CCDC146: variants seen among roughly 807,000 people sequenced by gnomAD.
CCDC146 encodes the protein coiled-coil domain-containing protein 146.
In CCDC146, 92 loss-of-function variants were observed where a neutral mutation model predicts 119.3. The observed-to-expected ratio is 0.77, with a 90% confidence interval of 0.65 to 0.92. CCDC146 has a LOEUF of 0.92. Among genes scored for constraint, CCDC146 ranks in the 40% least tolerant of loss-of-function variants. CCDC146 has a pLI of 0.00. For synonymous variants in CCDC146, 372 were observed against 371.8 expected (o/e 1.00, Z -0.01); for missense variants, 1,000 against 1,103.0 (o/e 0.91, Z 1.32).
In CCDC146 at chr7:77,287,445, A is replaced by G; in HGVS notation, c.2283A>G (p.Glu761=). 1 of 1,614,030 alleles carries G rather than the reference A, an allele frequency of 6.2e-7. No homozygotes were observed. Among genetic ancestry groups the G allele is most frequent in the Admixed American group, 1.7e-5 (1 of 60,000 alleles). The change falls in exon 17 of 19, where the codon GAA becomes GAG. Residue 761 remains glutamate, a synonymous_variant. Transcript: ENST00000285871. ...GAACCAATTTTCAAACATAGCTGGA[A>G]CTACAACTGGCCAAGAAGGAGGAGA... ...KEMIQKLDKL[E]LQLAKKEEKL... is the part of the protein sequence containing the mutation.
Position 77,273,747 on chromosome 7 carries a change from T to A in CCDC146, c.1227T>A (p.Leu409=). ...DSTLSERRRE[L]HKEVEVAKRN... is the part of the protein sequence containing the mutation. The stretch of plus-strand genomic sequence containing the variant: ...CATTATCTGAGAGAAGGCGAGAGCT[T>A]CACAAGGAAGTTGAAGTAGCTAAGA... The change falls in exon 10 of 19, where the codon CTT becomes CTA. Residue 409 remains leucine, a synonymous_variant. Transcript: ENST00000285871. The A allele has an allele frequency of 1.2e-6, 2 of 1,610,742 alleles. No individual in the cohort carries two copies. The highest frequency in any genetic ancestry group is 1.7e-6 in the Non-Finnish European group (2 of 1,177,860).
chr7:77,169,611 C>T (rs1308168424), intron 2 of CCDC146, among the ~76,000 whole-genome samples: 1 of 152,148 alleles, frequency 6.6e-6, no homozygotes, highest in Non-Finnish European at 1.5e-5. Context: ...ATCTTTTTAT[C>T]AGTGTGGACT....
Position 77,254,572 on chromosome 7 carries a change from T to G in CCDC146, c.507+9T>G. Reference sequence around the variant, plus strand: ...AGATAACAAAGCCAGGAGTAAGTCTTAGATGATATAGAGTTTCTTAAATAC... The same window carrying G: ...AGATAACAAAGCCAGGAGTAAGTCTGAGATGATATAGAGTTTCTTAAATAC... On this transcript the variant is annotated intron_variant, in intron 5 of 18. Coordinates refer to ENST00000285871, the MANE Select transcript of CCDC146 (RefSeq NM_020879.3). 3 of 1,423,556 alleles carry G rather than the reference T, an allele frequency of 2.1e-6. No individual in the cohort carries two copies. The highest frequency in any genetic ancestry group is 2.9e-6 in the Non-Finnish European group (3 of 1,019,650). The allele number at this position is 1,423,556 out of a possible 1,614,324, so 88.2% of individuals were successfully genotyped here.
At chr7:77,129,048 T>C (rs1790747431) in intron 1 of CCDC146, among the ~76,000 whole-genome samples, 1 of 152,100 alleles carries the variant, frequency 6.6e-6, no homozygotes, top group African/African-American at 2.4e-5. Context: ...TGGAGTACAG[T>C]AGGCCCCTCT....
chr7:77,191,900 A>T (rs1444258056), intron 2 of CCDC146, among the ~76,000 whole-genome samples: 1 of 151,706 alleles, frequency 6.6e-6, no homozygotes, highest in Non-Finnish European at 1.5e-5. Flanking sequence ...ACAGAGCAAG[A>T]CTCCATCTCA....
At chr7:77,236,068 C>A (rs930265933) in intron 2 of CCDC146, among the ~76,000 whole-genome samples, 11 of 147,514 alleles carry the variant, frequency 7.5e-5, no homozygotes, top group Non-Finnish European at 1.0e-4. Flanking sequence ...GAGACTCCGT[C>A]ATAAATAAAT....
chr7:77,207,974 G>A (rs142913460), intron 2 of CCDC146, among the ~76,000 whole-genome samples: 139 of 152,298 alleles, frequency 9.1e-4, no homozygotes, highest in South Asian at 4.3e-3. Context: ...GGACTAGGCT[G>A]TATACTAGCC....
intron 2 of CCDC146, among the ~76,000 whole-genome samples, chr7:77,216,570 CCAGAAGGAAG>C (rs1792305219): frequency 1.3e-5 from 2 of 152,076 alleles, no homozygotes; most frequent in South Asian, 4.1e-4. Flanking sequence ...TTCCATCTCA[CCAGAAGGAAG>C]AATTATGCAA....
At chr7:77,271,667 C>T (rs534683308) in intron 9 of CCDC146, among the ~76,000 whole-genome samples, 2 of 150,560 alleles carry the variant, frequency 1.3e-5, no homozygotes, top group East Asian at 3.9e-4. Flanking sequence ...AATGGCTTAT[C>T]ATGTCACCTC....
At chr7:77,286,214 G>A (rs1249023997) in intron 15 of CCDC146, among the ~76,000 whole-genome samples, 1 of 152,214 alleles carries the variant, frequency 6.6e-6, no homozygotes, top group Non-Finnish European at 1.5e-5. Context: ...CAGGCACATT[G>A]CATGGCGAGA....
Position 77,293,196 on chromosome 7 carries a change from C to T in CCDC146, c.2660C>T (p.Ser887Phe). ...CACGCCTTGGCCATCGCTGAAAAGT[C>T]TCAGGTAGGCTTTGGCTCCTGTATT... ...EMHALAIAEK[S>F]QEFLEADNRQ... is the part of the protein sequence containing the mutation. The change falls in exon 18 of 19, where the codon TCT becomes TTT. Residue 887 changes from serine to phenylalanine, a missense_variant. Physicochemically the swap from Ser to Phe is radical, Grantham distance 155. Transcript: ENST00000285871. 1 of 1,613,638 alleles carries T rather than the reference C, an allele frequency of 6.2e-7. No homozygotes were observed. Among genetic ancestry groups the T allele is most frequent in the East Asian group, 2.2e-5 (1 of 44,876 alleles).
Position 77,256,422 on chromosome 7 carries a change from A to G in CCDC146, c.597A>G (p.Leu199=). 6.2e-7 allele frequency: 1 copy of G among 1,608,062 alleles called. No homozygotes were observed. The highest frequency in any genetic ancestry group is 8.5e-7 in the Non-Finnish European group (1 of 1,177,530). ...AGAAGAAATTAGAAATTAAAAATTT[A>G]CGAGAAGATTTGGCATCTAAACAAA... is the stretch of plus-strand genomic sequence containing the variant. The part of the protein sequence containing the change: ...IMQKKLEIKN[L]REDLASKQKQ... The change falls in exon 6 of 19, where the codon TTA becomes TTG. Residue 199 remains leucine (L), a synonymous_variant. Coordinates refer to ENST00000285871, the MANE Select transcript of CCDC146 (RefSeq NM_020879.3).
At chr7:77,274,820 T>C (rs529125246) in intron 11 of CCDC146, among the ~76,000 whole-genome samples, 168 bp downstream of exon 11, 6 of 152,178 alleles carry the variant, frequency 3.9e-5, no homozygotes, top group East Asian at 1.9e-4. Context: ...TAGATGGGAA[T>C]TGAACAATGA....
intron 4 of CCDC146, among the ~76,000 whole-genome samples, chr7:77,251,490 CT>C: frequency 6.6e-6 from 1 of 152,168 alleles, no homozygotes; most frequent in East Asian, 1.9e-4. Flanking sequence ...TGCTCTGTCT[CT>C]TCAGATTGTG....
At chr7:77,277,355 A>C (rs750794038) in intron 11 of CCDC146, among the ~76,000 whole-genome samples, 2 of 152,252 alleles carry the variant, frequency 1.3e-5, no homozygotes, top group African/African-American at 2.4e-5. Context: ...ATGTATATCT[A>C]TGTGTGACTA....
In CCDC146 at chr7:77,216,826, G is replaced by A. The variant is rs568630267; in HGVS notation, c.157-20121G>A. Among the ~76,000 whole-genome samples, 62 of 152,250 alleles carry A rather than the reference G, an allele frequency of 4.1e-4. No homozygotes were observed. In the South Asian group the frequency reaches 0.012, roughly 31 times the overall value. ...AAAGCTCATAAAGTACAGTGCCAAA[G>A]GGATCATTAACTCCAAGGATAACAT... is the stretch of plus-strand genomic sequence containing the variant. On this transcript the variant is annotated intron_variant, in intron 2 of 18. Coordinates refer to ENST00000285871, the MANE Select transcript of CCDC146 (RefSeq NM_020879.3).
intron 11 of CCDC146, among the ~76,000 whole-genome samples, chr7:77,275,631 G>A (rs559822922): frequency 6.6e-6 from 1 of 152,094 alleles, no homozygotes; most frequent in Non-Finnish European, 1.5e-5. Flanking sequence ...GGTAGCATTA[G>A]GTAACTGTCC....
At chr7:77,172,558 A>T (rs1280039885) in intron 2 of CCDC146, among the ~76,000 whole-genome samples, 2 of 152,188 alleles carry the variant, frequency 1.3e-5, no homozygotes, top group East Asian at 3.8e-4. Context: ...CTCTCGTCTC[A>T]TATTGCCTGA....
intron 1 of CCDC146, among the ~76,000 whole-genome samples, chr7:77,131,690 C>A (rs1280868689): frequency 2.0e-5 from 3 of 152,228 alleles, no homozygotes; most frequent in African/African-American, 7.2e-5. Flanking sequence ...TGCACTTAAG[C>A]CTGGGCAACA....
Sources: gnomAD v4.1 joint callset for allele counts (sites outside exome capture counted in the v4.1 genomes callset) on GRCh38, gnomAD v4.1.1 for gene constraint, MANE v1.5 for transcripts, NCBI Gene and HGNC (gene_info 2026-07-23, HGNC 2026-07-21) for gene names.